Variants in EXT1 observed in about 807,000 individuals in gnomAD.
EXT1 encodes exostosin-1.
EXT1 carries 20 observed loss-of-function variants against 82.5 expected under a neutral mutation model. The observed-to-expected ratio is 0.24, with a 90% CI of 0.17 to 0.35. The LOEUF (loss-of-function observed/expected upper bound fraction) is 0.35, where lower values mean the gene tolerates loss of function less well. Among genes scored for constraint, EXT1 ranks in the 10% least tolerant of loss-of-function variants. The pLI is 1.00. For synonymous variants in EXT1, 348 were observed against 350.8 expected (o/e 0.99, Z 0.09); for missense variants, 757 against 936.5 (o/e 0.81, Z 2.50).
intron 1 of EXT1, among the ~76,000 whole-genome samples, chr8:117,915,879 C>CAAAACAA (rs1253728727): frequency 6.6e-6 from 1 of 151,944 alleles, no homozygotes; most frequent in Non-Finnish European, 1.5e-5. Context: ...CAAAACAAAA[C>CAAAACAA]AAAACAAAAC....
At chr8:117,904,506 G>GA (rs1813506486) in intron 1 of EXT1, among the ~76,000 whole-genome samples, 1 of 152,158 alleles carries the variant, frequency 6.6e-6, no homozygotes, top group African/African-American at 2.4e-5. Flanking sequence ...TGTGAAGATT[G>GA]AAATGGGTAT....
chr8:117,924,806 CA>C (rs1459633940), intron 1 of EXT1, among the ~76,000 whole-genome samples: 1 of 152,134 alleles, frequency 6.6e-6, no homozygotes, highest in Admixed American at 6.5e-5. Context: ...TCTGCCAGTT[CA>C]AAAGGAATCT....
chr8:117,885,458 T>C (rs1311919122), intron 1 of EXT1, among the ~76,000 whole-genome samples: 1 of 93,680 alleles, frequency 1.1e-5, no homozygotes, highest in African/African-American at 4.2e-5. Flanking sequence ...AACCCTAAAA[T>C]AGATTTTTTT....
intron 1 of EXT1, among the ~76,000 whole-genome samples, chr8:117,999,724 T>C (rs1202450525): frequency 6.6e-6 from 1 of 152,154 alleles, no homozygotes; most frequent in East Asian, 1.9e-4. Context: ...CAGCCTGATT[T>C]GTATTGTTTT....
In EXT1 at chr8:117,956,161, G is replaced by T. The variant is rs1229500152; in HGVS notation, c.963-118960C>A. On this transcript the variant is annotated intron_variant, in intron 1 of 10. Transcript: ENST00000378204. ...AAAAGGAGTGAAAGTGATAACTACG[G>T]ATTTTTTTTTAACAGCAAAAAAAAA... Among the ~76,000 whole-genome samples, 3 of 141,860 alleles carry T rather than the reference G, an allele frequency of 2.1e-5. No homozygotes were observed. In the East Asian group the frequency reaches 6.2e-4, roughly 29 times the overall value. The allele number at this position is 141,860 out of a possible 152,430, so 93.1% of individuals were successfully genotyped here.
chr8:117,981,786 G>A (rs1048573114), intron 1 of EXT1, among the ~76,000 whole-genome samples: 4 of 152,060 alleles, frequency 2.6e-5, no homozygotes, highest in Admixed American at 1.3e-4. Flanking sequence ...GCTGAGGCAC[G>A]AGAATCACTT....
At chr8:117,905,809 T>A (rs1425411432) in intron 1 of EXT1, among the ~76,000 whole-genome samples, 2 of 152,108 alleles carry the variant, frequency 1.3e-5, no homozygotes, top group Admixed American at 6.5e-5. Context: ...AGACTCCGTC[T>A]CAAAAAAACA....
intron 1 of EXT1, among the ~76,000 whole-genome samples, chr8:118,031,247 A>C (rs1002829322): frequency 6.6e-6 from 1 of 152,154 alleles, no homozygotes; most frequent in African/African-American, 2.4e-5. Flanking sequence ...TTTGGCCGGC[A>C]AGGTGACTCA....
intron 1 of EXT1, among the ~76,000 whole-genome samples, chr8:117,980,697 G>GTTTTTTTTTTTTTTTTTTTTTTTTTTTT (rs1491146564): frequency 3.6e-5 from 1 of 27,584 alleles, no homozygotes; most frequent in Non-Finnish European, 5.9e-5. Flanking sequence ...GGGTGTTGGT[G>GTTTTTTTTTTTTTTTTTTTTTTTTTTTT]GTTTTTTTTT....
intron 1 of EXT1, among the ~76,000 whole-genome samples, chr8:117,856,341 G>A (rs1812557570): frequency 6.8e-6 from 1 of 147,838 alleles, no homozygotes; most frequent in Non-Finnish European, 1.5e-5. Context: ...TGCAAGTTCC[G>A]CCTCCCGGGT....
intron 1 of EXT1, among the ~76,000 whole-genome samples, chr8:118,046,480 G>A (rs1816625183): frequency 6.6e-6 from 1 of 152,132 alleles, no homozygotes; most frequent in African/African-American, 2.4e-5. Context: ...CTGGAGACCA[G>A]GAGGGCTCAA....
At chr8:117,919,706 T>A (rs764474508) in intron 1 of EXT1, among the ~76,000 whole-genome samples, 1 of 152,064 alleles carries the variant, frequency 6.6e-6, no homozygotes, top group African/African-American at 2.4e-5. Flanking sequence ...GATCTTGCCA[T>A]GTTGTCCAAG....
At chr8:117,969,129 G>A (rs866814166) in intron 1 of EXT1, among the ~76,000 whole-genome samples, 4 of 152,064 alleles carry the variant, frequency 2.6e-5, no homozygotes, top group South Asian at 2.1e-4. Context: ...CTCGGGGCAG[G>A]GTCCAAATCT....
intron 1 of EXT1, among the ~76,000 whole-genome samples, chr8:117,863,431 T>G (rs1350980882): frequency 9.2e-6 from 1 of 108,696 alleles, no homozygotes; most frequent in East Asian, 3.6e-4. Flanking sequence ...TTTTTTGGCA[T>G]GTTTGTTGTT....
chr8:117,906,949 G>A (rs534922127), intron 1 of EXT1, among the ~76,000 whole-genome samples: 3 of 152,246 alleles, frequency 2.0e-5, no homozygotes, highest in South Asian at 4.1e-4. Flanking sequence ...AGAATTCCAA[G>A]CAGAGAAAGC....
chr8:117,858,370 T>C (rs1207420499), intron 1 of EXT1, among the ~76,000 whole-genome samples: 1 of 152,112 alleles, frequency 6.6e-6, no homozygotes, highest in African/African-American at 2.4e-5. Flanking sequence ...TCCACTGTTG[T>C]GTTATTTTAA....
At chr8:118,008,939 T>C (rs1390302832) in intron 1 of EXT1, among the ~76,000 whole-genome samples, 2 of 152,184 alleles carry the variant, frequency 1.3e-5, no homozygotes, top group Admixed American at 6.5e-5. Flanking sequence ...TGATTGCTAT[T>C]ATGAAATGGG....
intron 4 of EXT1, among the ~76,000 whole-genome samples, chr8:117,826,389 A>G (rs1336014623): frequency 6.6e-6 from 1 of 152,228 alleles, no homozygotes; most frequent in African/African-American, 2.4e-5. Flanking sequence ...AGTACAGAAC[A>G]TCCTTAGCCC....
intron 1 of EXT1, among the ~76,000 whole-genome samples, chr8:117,857,010 C>A (rs1367057610): frequency 6.6e-6 from 1 of 152,194 alleles, no homozygotes; most frequent in Non-Finnish European, 1.5e-5. Context: ...AAAGCTAAAT[C>A]TACTCTGCCT....
Sources: gnomAD v4.1 joint callset for allele counts (sites outside exome capture counted in the v4.1 genomes callset) on GRCh38, gnomAD v4.1.1 for gene constraint, MANE v1.5 for transcripts, NCBI Gene and HGNC (gene_info 2026-07-23, HGNC 2026-07-21) for gene names.